The following SLC12A4 variants were observed in gnomAD, a reference collection of about 807,000 sequenced individuals.
SLC12A4 encodes solute carrier family 12 member 4, also known as electroneutral potassium-chloride cotransporter 1.
SLC12A4 carries 84 observed loss-of-function variants against 119.2 expected under a neutral mutation model. The observed-to-expected ratio is 0.70, with a 90% CI of 0.59 to 0.85. The LOEUF (loss-of-function observed/expected upper bound fraction) is 0.85, where lower values mean the gene tolerates loss of function less well. Ranked by LOEUF, SLC12A4 falls within the 40% of genes least tolerant of loss-of-function variation. SLC12A4 has a pLI of 0.00. For missense variants in SLC12A4, 1,298 were observed against 1,476.3 expected (o/e 0.88, Z 1.98); for synonymous variants, 599 against 604.6 (o/e 0.99, Z 0.14).
In SLC12A4 at chr16:67,949,975, C is replaced by T; in HGVS notation, c.1630-57G>A. On this transcript the variant is annotated intron_variant, in intron 12 of 23. Transcript: ENST00000316341. The surrounding 1 kb of genome is among the most constrained non-coding windows in gnomAD (Gnocchi z 4.6). Reference sequence around the variant, plus strand: ...TCACCCCCATTCCACACCTTGGGCCCCAGACCCCAGCCTGGCCTCCCTCAC... The same window carrying T: ...TCACCCCCATTCCACACCTTGGGCCTCAGACCCCAGCCTGGCCTCCCTCAC... 2 of 1,392,002 alleles carry T rather than the reference C, an allele frequency of 1.4e-6. No homozygotes were observed. Among genetic ancestry groups the T allele is most frequent in the South Asian group, 2.3e-5 (2 of 85,292 alleles). 86.2% of individuals were successfully genotyped at this position (1,392,002 alleles called of 1,614,324 possible).
rs1179529904 is a variant in SLC12A4 at position 67,952,349 on chromosome 16, A to G, written c.752T>C (p.Met251Thr). The part of the protein sequence containing the change: ...HDTSNATLNN[M>T]RVYGTIFLTF... The stretch of plus-strand genomic sequence containing the variant: ...CAGGAAAATGGTCCCATACACACGC[A>G]TATTGTTCAAAGTGGCATTCGACGT... The change falls in exon 7 of 24, where the codon ATG becomes ACG. Residue 251 changes from methionine (M) to threonine (T), a missense_variant. Physicochemically the swap from Met to Thr is moderately conservative, Grantham distance 81 (BLOSUM62 -1). Coordinates refer to ENST00000316341, the MANE Select transcript of SLC12A4 (RefSeq NM_005072.5). The G allele has an allele frequency of 6.2e-7, 1 of 1,614,208 alleles. No homozygotes were observed. The highest frequency in any genetic ancestry group is 8.5e-7 in the Non-Finnish European group (1 of 1,180,032).
intron 15 of SLC12A4, 76 bp from the exon 16 acceptor site, chr16:67,947,511 G>A: frequency 2.6e-6 from 4 of 1,523,064 alleles, no homozygotes; most frequent in Non-Finnish European, 3.6e-6. Context: ...GAGGTGGAGG[G>A]GTTCTGCCCC....
intron 15 of SLC12A4, 62 bp from the exon 16 acceptor site, chr16:67,947,497 A>G: frequency 1.3e-6 from 2 of 1,549,520 alleles, no homozygotes; most frequent in Non-Finnish European, 1.8e-6. Context: ...GTCTATGTGG[A>G]TGCGAGGTGG....
chr16:67,946,869 C>T, intron 17 of SLC12A4, 68 bp downstream of exon 17: 1 of 1,527,364 alleles, frequency 6.5e-7, no homozygotes, highest in Non-Finnish European at 8.9e-7. Flanking sequence ...ACTGGGCCCT[C>T]CCCTCCGTGC....
chr16:67,944,718 CCAG>C lies in SLC12A4; in HGVS notation c.*119_*121del, dbSNP rs1452611609. 2 of 1,469,470 alleles carry C rather than the reference CCAG, an allele frequency of 1.4e-6. No individual in the cohort carries two copies. Among genetic ancestry groups the C allele is most frequent in the African/African-American group, 2.8e-5 (2 of 71,138 alleles). The allele number at this position is 1,469,470 out of a possible 1,614,324, so 91.0% of individuals were successfully genotyped here. On this transcript the variant is annotated 3_prime_UTR_variant, in exon 24 of 24. Transcript: ENST00000316341. The surrounding 1 kb of genome is among the most constrained non-coding windows in gnomAD (Gnocchi z 6.6). Reference sequence around the variant, plus strand: ...CCAAGGAGACCTAGCAAAGCTGGGTCCAGGACAGGGCCAGGCAAGCAGGGCTGG... The same window carrying C: ...CCAAGGAGACCTAGCAAAGCTGGGTCGACAGGGCCAGGCAAGCAGGGCTGG...
At chr16:67,957,315 G>A (rs1275298721) in intron 5 of SLC12A4, among the ~76,000 whole-genome samples, 1 of 151,860 alleles carries the variant, frequency 6.6e-6, no homozygotes, top group African/African-American at 2.4e-5. Flanking sequence ...GACTACAGGC[G>A]CCCGCCACCA....
rs562635908 is a variant in SLC12A4 at position 67,949,207 on chromosome 16, T to C, written c.1748+593A>G. 1.1e-4 allele frequency among the ~76,000 whole-genome samples: 17 copies of C among 152,266 alleles called. No individual in the cohort carries two copies. The South Asian group carries it at 3.3e-3, about 30-fold the overall frequency. On this transcript the variant is annotated intron_variant, in intron 13 of 23. Transcript: ENST00000316341. This position sits in a 1 kb window ranked among gnomAD's most constrained non-coding sequence, Gnocchi z 4.6. ...GCTCACGCCTGTAATCCCAGCACTTTGGGAGGCCGAGCCAGGTGGATCATC... is the reference window on the plus strand; with the variant it reads ...GCTCACGCCTGTAATCCCAGCACTTCGGGAGGCCGAGCCAGGTGGATCATC...
At position 67,944,564 on chromosome 16, in the gene SLC12A4, C is replaced by G; in HGVS notation, c.*276G>C. Reference sequence around the variant, plus strand: ...GGCCGGGCCGGCTGCCTTCAAACCCCACTCGGCCCCTACCAGTCTTCTCTG... The same window carrying G: ...GGCCGGGCCGGCTGCCTTCAAACCCGACTCGGCCCCTACCAGTCTTCTCTG... On this transcript the variant is annotated 3_prime_UTR_variant, in exon 24 of 24. Transcript: ENST00000316341. This position sits in a 1 kb window ranked among gnomAD's most constrained non-coding sequence, Gnocchi z 6.6. The G allele has an allele frequency of 1.5e-6, 2 of 1,305,538 alleles. No individual in the cohort carries two copies. Among genetic ancestry groups the G allele is most frequent in the Non-Finnish European group, 1.9e-6 (2 of 1,028,102 alleles). 80.9% of individuals were successfully genotyped at this position (1,305,538 alleles called of 1,614,324 possible).
At chr16:67,964,127 C>A in intron 1 of SLC12A4, 1 of 1,493,810 alleles carries the variant, frequency 6.7e-7, no homozygotes, top group Non-Finnish European at 9.0e-7. Context: ...AGCCCCAGGC[C>A]GTGGAGAGCG....
At position 67,950,910 on chromosome 16, in the gene SLC12A4, C is replaced by G. The variant is rs2058407128; in HGVS notation, c.1396+52G>C. On this transcript the variant is annotated intron_variant, in intron 10 of 23. Transcript: ENST00000316341. The surrounding 1 kb of genome is among the most constrained non-coding windows in gnomAD (Gnocchi z 4.3). Reference sequence around the variant, plus strand: ...CATGTGACCTGGCAACGTACACAGGCCAAGCGCTTCCCGTCCTCTGCCCCA... The same window carrying G: ...CATGTGACCTGGCAACGTACACAGGGCAAGCGCTTCCCGTCCTCTGCCCCA... 2 of 1,585,518 alleles carry G rather than the reference C, an allele frequency of 1.3e-6. No homozygotes were observed. Among genetic ancestry groups the G allele is most frequent in the Non-Finnish European group, 1.7e-6 (2 of 1,156,574 alleles).
At chr16:67,946,679 G>A in intron 17 of SLC12A4, 46 bp from the exon 18 acceptor site, 2 of 1,571,274 alleles carry the variant, frequency 1.3e-6, no homozygotes, top group East Asian at 2.3e-5. Flanking sequence ...TCAGCTTCCT[G>A]CCTCTGGGCT....
At chr16:67,947,572 G>A in intron 15 of SLC12A4, 97 bp downstream of exon 15, 3 of 1,516,974 alleles carry the variant, frequency 2.0e-6, no homozygotes, top group South Asian at 1.3e-5. Flanking sequence ...TGGCACCCAC[G>A]GTGGCCCAGC....
At position 67,945,352 on chromosome 16, in the gene SLC12A4, G is replaced by A. The variant is rs757975246; in HGVS notation, c.3032+17C>T. On this transcript the variant is annotated intron_variant, in intron 22 of 23. Transcript: ENST00000316341. The stretch of plus-strand genomic sequence containing the variant: ...CCTAGATTCCAGTGCCGCTGGGGCT[G>A]TTTTTGCTGCACTCACGGCTTAATG... 1.9e-6 allele frequency: 3 copies of A among 1,607,010 alleles called. No homozygotes were observed. The highest frequency in any genetic ancestry group is 2.7e-5 in the African/African-American group (2 of 74,860).
At chr16:67,953,657 A>G (rs1429995003) in intron 6 of SLC12A4, among the ~76,000 whole-genome samples, 5 of 152,216 alleles carry the variant, frequency 3.3e-5, no homozygotes, top group African/African-American at 1.2e-4. Flanking sequence ...ATGGTATATA[A>G]ATTGGTATGG....
In SLC12A4 at chr16:67,952,317, T is replaced by C. The variant is rs779955208; in HGVS notation, c.784A>G (p.Met262Val). 7.4e-6 allele frequency: 12 copies of C among 1,613,870 alleles called. No homozygotes were observed. The East Asian group carries it at 2.2e-4, about 30-fold the overall frequency. Residue 262 changes from methionine (M) to valine (V), a missense_variant, in exon 7 of 24, where the codon ATG becomes GTG. Transcript: ENST00000316341. ...ACCCCCACAAACACCACCAGGGTCA[T>C]GAAGGTCAGGAAAATGGTCCCATAC... is the stretch of plus-strand genomic sequence containing the variant. ...RVYGTIFLTF[M>V]TLVVFVGVKY...
At chr16:67,947,501 G>C (rs544908019) in intron 15 of SLC12A4, 66 bp from the exon 16 acceptor site, 116 of 1,535,518 alleles carry the variant, frequency 7.6e-5, no homozygotes, top group Non-Finnish European at 1.0e-4. Context: ...ATGTGGATGC[G>C]AGGTGGAGGG....
intron 3 of SLC12A4, among the ~76,000 whole-genome samples, chr16:67,958,887 C>T (rs2151335169): frequency 6.6e-6 from 1 of 152,248 alleles, no homozygotes; most frequent in East Asian, 1.9e-4. Flanking sequence ...GTTGGTTCTC[C>T]CTCTCACATT....
chr16:67,947,474 C>T (rs1052092319), intron 15 of SLC12A4, 39 bp from the exon 16 acceptor site: 1 of 1,586,322 alleles, frequency 6.3e-7, no homozygotes, highest in Non-Finnish European at 8.6e-7. Context: ...CCTGGTGCCG[C>T]CCAGGGGGTT....
chr16:67,945,618 C>T (rs1395286220), intron 21 of SLC12A4, 65 bp from the exon 22 acceptor site: 1 of 1,552,346 alleles, frequency 6.4e-7, no homozygotes, highest in Non-Finnish European at 8.8e-7. Flanking sequence ...CTGTCTGGCC[C>T]AATGTGACCA....
Sources: allele counts gnomAD v4.1 joint callset (sites outside exome capture counted in the v4.1 genomes callset), GRCh38; gene constraint gnomAD v4.1.1; non-coding constraint Gnocchi (gnomAD v3.1); transcripts MANE v1.5; gene names NCBI Gene and HGNC (gene_info 2026-07-23, HGNC 2026-07-21).